The following MRTFB variants were observed in gnomAD, a reference collection of about 807,000 sequenced individuals.
MRTFB encodes myocardin-related transcription factor B.
In MRTFB, 29 loss-of-function variants were observed where a neutral mutation model predicts 104.2. The observed-to-expected ratio is 0.28, with a 90% CI of 0.21 to 0.38. The LOEUF is 0.38. Ranked by LOEUF, MRTFB falls within the 10% of genes least tolerant of loss-of-function variation. The pLI, the probability that MRTFB is intolerant of heterozygous loss-of-function variation, is 1.00. For missense variants in MRTFB, 1,270 were observed against 1,341.6 expected, an observed-to-expected ratio of 0.95 and a Z score of 0.83; for synonymous variants, 535 against 519.5, an observed-to-expected ratio of 1.03 and a Z score of -0.41.
the MRTFB span, among the ~76,000 whole-genome samples, chr16:13,996,721 T>A: frequency 2.0e-5 from 3 of 152,236 alleles, no homozygotes; most frequent in South Asian, 6.2e-4. Flanking sequence ...TGTGAGAGTC[T>A]AAGAGAGGGA....
At chr16:14,238,744 A>C (rs1228961841) in intron 9 of MRTFB, among the ~76,000 whole-genome samples, 1 of 152,238 alleles carries the variant, frequency 6.6e-6, no homozygotes, top group East Asian at 1.9e-4. Context: ...GTCAGTAAAG[A>C]ACTAGGAGGC....
chr16:14,083,015 G>A (rs1175200097), intron 2 of MRTFB, among the ~76,000 whole-genome samples: 9 of 152,038 alleles, frequency 5.9e-5, no homozygotes, highest in Non-Finnish European at 1.3e-4. Context: ...ATTTATTTGT[G>A]TCTTCAATTT....
At chr16:14,078,992 G>C (rs1477552651) in intron 1 of MRTFB, among the ~76,000 whole-genome samples, 1 of 152,090 alleles carries the variant, frequency 6.6e-6, no homozygotes, top group Admixed American at 6.6e-5. Context: ...TGGTAGAACC[G>C]GGATCTAATG....
intron 3 of MRTFB, among the ~76,000 whole-genome samples, chr16:14,187,336 T>C (rs950106315): frequency 6.6e-6 from 1 of 152,204 alleles, no homozygotes; most frequent in Admixed American, 6.5e-5. Context: ...TTCCTTTTTT[T>C]CTCTTCCCTC....
intron 2 of MRTFB, among the ~76,000 whole-genome samples, chr16:14,106,602 C>T (rs2035990904): frequency 6.6e-6 from 1 of 152,156 alleles, no homozygotes; most frequent in East Asian, 1.9e-4. Flanking sequence ...AAGGGTAGAG[C>T]TCAAAGTTTG....
intron 2 of MRTFB, among the ~76,000 whole-genome samples, chr16:14,087,655 T>C (rs1394272658): frequency 6.6e-6 from 1 of 152,240 alleles, no homozygotes; most frequent in Non-Finnish European, 1.5e-5. Context: ...ATTTTAAATA[T>C]ACTTCAGTCT....
At chr16:14,243,864 G>T (rs372418412) in intron 10 of MRTFB, among the ~76,000 whole-genome samples, 3 of 124,646 alleles carry the variant, frequency 2.4e-5, no homozygotes, top group East Asian at 2.5e-4. Context: ...CCTGTTTTGG[G>T]TTTTTTTTTT....
intron 3 of MRTFB, among the ~76,000 whole-genome samples, chr16:14,179,751 G>T (rs1243176280): frequency 1.3e-5 from 2 of 152,234 alleles, no homozygotes; most frequent in Non-Finnish European, 2.9e-5. Context: ...AGTCTGGGGA[G>T]TGGTCAGAGG....
chr16:14,252,466 C>T lies in MRTFB; in HGVS notation c.2667C>T (p.Ile889=). 1 of 1,613,966 alleles carries T rather than the reference C, an allele frequency of 6.2e-7. No homozygotes were observed. Among genetic ancestry groups the T allele is most frequent in the Non-Finnish European group, 8.5e-7 (1 of 1,179,982 alleles). ...TKDPPRYEEA[I]KQTRSTQAPL... is the part of the protein sequence containing the mutation. ...ATCCCCCCCGCTATGAGGAGGCCAT[C>T]AAGCAGACACGCAGCACACAGGCCC... is the stretch of plus-strand genomic sequence containing the variant. The change falls in exon 15 of 17, where the codon ATC becomes ATT. Residue 889 remains isoleucine (I), a synonymous_variant. Coordinates refer to ENST00000571589, the MANE Select transcript of MRTFB (RefSeq NM_001308142.2).
At chr16:14,210,153 A>G (rs2041131250) in intron 3 of MRTFB, 90 bp from the exon 4 acceptor site, 2 of 916,184 alleles carry the variant, frequency 2.2e-6, no homozygotes, top group African/African-American at 1.6e-5. Flanking sequence ...AAGATGCTTG[A>G]TAAAGCTTAA....
In MRTFB at chr16:14,206,699, G is replaced by A. The variant is rs541625201; in HGVS notation, c.155-3544G>A. Reference sequence around the variant, plus strand: ...TGGGATTACAGGCACCTGCCACCTCGCCTGGCTAGTTTTTATATTTTCAGT... The same window carrying A: ...TGGGATTACAGGCACCTGCCACCTCACCTGGCTAGTTTTTATATTTTCAGT... On this transcript the variant is annotated intron_variant, in intron 3 of 16. Coordinates refer to ENST00000571589, the MANE Select transcript of MRTFB (RefSeq NM_001308142.2). 4.6e-5 allele frequency among the ~76,000 whole-genome samples: 7 copies of A among 152,116 alleles called. No individual in the cohort carries two copies. The East Asian group carries it at 9.7e-4, about 21-fold the overall frequency.
In MRTFB at chr16:14,135,692, T is replaced by A. The variant is rs573427188; in HGVS notation, c.-63-4852T>A. Among the ~76,000 whole-genome samples the A allele has an allele frequency of 2.2e-3, 336 of 152,372 alleles. 1 individual carries two copies. The highest frequency in any genetic ancestry group is 3.8e-3 in the Non-Finnish European group (256 of 68,036). ...TTCAGCATGAGACTTTATCAGTAACTGGTCTCTGTCAGAATTATCTTTTTA... is the reference window on the plus strand; with the variant it reads ...TTCAGCATGAGACTTTATCAGTAACAGGTCTCTGTCAGAATTATCTTTTTA... On this transcript the variant is annotated intron_variant, in intron 2 of 16. Coordinates refer to ENST00000571589, the MANE Select transcript of MRTFB (RefSeq NM_001308142.2).
At position 14,234,042 on chromosome 16, in the gene MRTFB, T is replaced by C; in HGVS notation, c.694-104T>C. 3 of 1,427,710 alleles carry C rather than the reference T, an allele frequency of 2.1e-6. No homozygotes were observed. The South Asian group carries it at 4.0e-5, about 19-fold the overall frequency. The allele number at this position is 1,427,710 out of a possible 1,614,324, so 88.4% of individuals were successfully genotyped here. ...AATCATATATTTTTCCTTTGCTTCT[T>C]TTCTAGTGGGCTTAAAAACCAGGTC... is the stretch of plus-strand genomic sequence containing the variant. On this transcript the variant is annotated intron_variant, in intron 8 of 16. Transcript: ENST00000571589.
intron 1 of MRTFB, among the ~76,000 whole-genome samples, chr16:14,078,432 C>T (rs140607654): frequency 2.6e-5 from 4 of 152,164 alleles, no homozygotes; most frequent in Admixed American, 1.3e-4. Context: ...CCCCTCTCCC[C>T]CTTTTTTAGA....
chr16:14,249,969 T>C (rs1250938680), intron 13 of MRTFB, among the ~76,000 whole-genome samples: 1 of 152,232 alleles, frequency 6.6e-6, no homozygotes, highest in Non-Finnish European at 1.5e-5. Context: ...AGAGGAATCA[T>C]GGTTGTATGT....
At chr16:14,083,605 A>G (rs2034532570) in intron 2 of MRTFB, among the ~76,000 whole-genome samples, 1 of 152,074 alleles carries the variant, frequency 6.6e-6, no homozygotes, top group Non-Finnish European at 1.5e-5. Context: ...CCCCCATCTG[A>G]TGGTATCTCT....
At chr16:14,173,133 T>A (rs1421263390) in intron 3 of MRTFB, among the ~76,000 whole-genome samples, 1 of 152,166 alleles carries the variant, frequency 6.6e-6, no homozygotes, top group African/African-American at 2.4e-5. Context: ...TTTTTGTTTT[T>A]TCTGGTTAGG....
chr16:14,250,234 C>T (rs2043198800), intron 13 of MRTFB, among the ~76,000 whole-genome samples: 1 of 152,102 alleles, frequency 6.6e-6, no homozygotes, highest in South Asian at 2.1e-4. Context: ...GAACTCATCA[C>T]CATGGAGATT....
the MRTFB span, among the ~76,000 whole-genome samples, chr16:14,017,858 T>C: frequency 6.7e-6 from 1 of 149,284 alleles, no homozygotes; most frequent in South Asian, 2.1e-4. Context: ...GCTGGGACAA[T>C]AGGCATGTGC....
Sources: gnomAD v4.1 joint callset for allele counts (sites outside exome capture counted in the v4.1 genomes callset) on GRCh38, gnomAD v4.1.1 for gene constraint, MANE v1.5 for transcripts, NCBI Gene and HGNC (gene_info 2026-07-23, HGNC 2026-07-21) for gene names.